AGBL1: variants seen among roughly 807,000 people sequenced by gnomAD.
AGBL1 encodes AGBL carboxypeptidase 1.
Under a neutral mutation model 118.9 loss-of-function variants are expected in AGBL1, and 130 were observed. That is an observed-to-expected ratio of 1.09 (90% CI 0.95 to 1.26). AGBL1 has a LOEUF of 1.26. AGBL1 is among the 50% of genes most tolerant of loss of function. The pLI, the probability that AGBL1 is intolerant of heterozygous loss-of-function variation, is 0.00. For missense variants in AGBL1, 1,584 were observed against 1,298.1 expected (o/e 1.22, Z -3.38); for synonymous variants, 555 against 478.9 (o/e 1.16, Z -2.08).
intron 22 of AGBL1, among the ~76,000 whole-genome samples, chr15:86,744,334 C>T (rs1372366543): frequency 1.3e-5 from 2 of 152,054 alleles, no homozygotes; most frequent in East Asian, 3.9e-4. Flanking sequence ...ATAAATTTGC[C>T]TTTATTGTTT....
At chr15:86,254,689 C>CT (rs2078867516) in intron 7 of AGBL1, among the ~76,000 whole-genome samples, 1 of 152,084 alleles carries the variant, frequency 6.6e-6, no homozygotes, top group Non-Finnish European at 1.5e-5. Context: ...GGAGTCTTGT[C>CT]TTTTTTTGAT....
intron 22 of AGBL1, among the ~76,000 whole-genome samples, chr15:86,702,206 C>A (rs552232135): frequency 1.3e-5 from 2 of 152,062 alleles, no homozygotes; most frequent in East Asian, 1.9e-4. Context: ...AAACTTAAAT[C>A]TAGTAAATAA....
rs115336442 is a variant in AGBL1 at position 86,667,669 on chromosome 15, T to C, written c.2995-6604T>C. 6.7e-3 allele frequency among the ~76,000 whole-genome samples: 1,019 copies of C among 152,274 alleles called. 8 individuals are homozygous for C. The highest frequency in any genetic ancestry group is 0.021 in the East Asian group (108 of 5,178). The stretch of plus-strand genomic sequence containing the variant: ...ATTTTTTGGACCGTAGGTGAGTACT[T>C]TCTTCCTTCTCCTCATCCTCCTTTC... On this transcript the variant is annotated intron_variant, in intron 21 of 22. Transcript: ENST00000614907.
intron 22 of AGBL1, among the ~76,000 whole-genome samples, chr15:86,749,751 G>A (rs1483768233): frequency 6.6e-6 from 1 of 152,146 alleles, no homozygotes; most frequent in African/African-American, 2.4e-5. Flanking sequence ...GGCCTTTTCT[G>A]CATCTGTTGA....
intron 21 of AGBL1, among the ~76,000 whole-genome samples, chr15:86,631,696 C>T (rs956424224): frequency 6.6e-6 from 1 of 152,042 alleles, no homozygotes; most frequent in Non-Finnish European, 1.5e-5. Flanking sequence ...CATGGGAGTT[C>T]CCAGGGAGAT....
At chr15:87,030,221 AATCTT>A (rs2081770784), downstream of AGBL1, among the ~76,000 whole-genome samples, 1 of 151,938 alleles carries the variant, frequency 6.6e-6, no homozygotes, top group Non-Finnish European at 1.5e-5. Flanking sequence ...AGGATTCAGA[AATCTT>A]ATGGTGGGCA....
At chr15:86,449,307 C>T (rs985030624) in intron 18 of AGBL1, among the ~76,000 whole-genome samples, 1 of 151,946 alleles carries the variant, frequency 6.6e-6, no homozygotes, top group Non-Finnish European at 1.5e-5. Context: ...TTTTTCTCTC[C>T]CAAGCAAAGA....
chr15:86,388,506 C>T (rs74027537), intron 17 of AGBL1, among the ~76,000 whole-genome samples: 5,097 of 152,160 alleles, frequency 0.033, 286 homozygotes, highest in African/African-American at 0.12. Context: ...GAGAGCCTTG[C>T]TTTATGGGTA....
In AGBL1 at chr15:86,482,103, C is replaced by T. The variant is rs149504794; in HGVS notation, c.2556-40707C>T. Reference sequence around the variant, plus strand: ...GGAGACAGAAGCAATGTGTTCCTGACTTATAACTGTGATGAGTTAACCTAC... The same window carrying T: ...GGAGACAGAAGCAATGTGTTCCTGATTTATAACTGTGATGAGTTAACCTAC... On this transcript the variant is annotated intron_variant, in intron 18 of 22. Coordinates refer to ENST00000614907, the MANE Select transcript of AGBL1 (RefSeq NM_001386094.1). Among the ~76,000 whole-genome samples, 518 of 152,258 alleles carry T rather than the reference C, an allele frequency of 3.4e-3. 6 individuals are homozygous for T. Among genetic ancestry groups the T allele is most frequent in the African/African-American group, 0.012 (496 of 41,572 alleles).
chr15:86,404,801 A>G (rs1188066584), intron 18 of AGBL1, among the ~76,000 whole-genome samples: 1 of 152,214 alleles, frequency 6.6e-6, no homozygotes, highest in African/African-American at 2.4e-5. Flanking sequence ...CATGTTCACT[A>G]TAAGCCATGC....
intron 5 of AGBL1, among the ~76,000 whole-genome samples, chr15:86,219,325 T>C (rs573824211): frequency 6.6e-6 from 1 of 152,208 alleles, no homozygotes; most frequent in Non-Finnish European, 1.5e-5. Flanking sequence ...TTACTTTTAA[T>C]GGCAAAAATT....
chr15:86,739,353 G>C (rs948344975), intron 22 of AGBL1, among the ~76,000 whole-genome samples: 5 of 141,632 alleles, frequency 3.5e-5, no homozygotes, highest in African/African-American at 5.3e-5. Flanking sequence ...TGAGGCAGGA[G>C]AATCGCTTGA....
intron 18 of AGBL1, among the ~76,000 whole-genome samples, chr15:86,479,166 G>T (rs574022300): frequency 2.1e-4 from 32 of 152,236 alleles, no homozygotes; most frequent in Non-Finnish European, 7.4e-5. Context: ...CAGGACATAG[G>T]CATGGGCAAG....
intron 16 of AGBL1, among the ~76,000 whole-genome samples, chr15:86,280,498 G>C (rs1235247963): frequency 6.6e-6 from 1 of 152,178 alleles, no homozygotes; most frequent in Admixed American, 6.5e-5. Flanking sequence ...ATTTGAAAAA[G>C]CTGGCAAACT....
Position 86,910,415 on chromosome 15 carries a change from A to G in AGBL1, c.*3121A>G, listed in dbSNP as rs1476030454. Reference sequence around the variant, plus strand: ...ATAAAGCTGCATTTGGCATTCCTTGATGAAAAGGCTGAATTTAATTCTGAA... The same window carrying G: ...ATAAAGCTGCATTTGGCATTCCTTGGTGAAAAGGCTGAATTTAATTCTGAA... On this transcript the variant is annotated 3_prime_UTR_variant, in exon 23 of 23. Transcript: ENST00000614907. 6.6e-6 allele frequency: 1 copy of G among 152,192 alleles called. No homozygotes were observed. Among genetic ancestry groups the G allele is most frequent in the Non-Finnish European group, 1.5e-5 (1 of 68,038 alleles). The allele number at this position is 152,192 out of a possible 1,614,324, so 9.4% of individuals were successfully genotyped here.
rs138704447 is a variant in AGBL1 at position 86,905,381 on chromosome 15, C to T, written c.3159-1706C>T. On this transcript the variant is annotated intron_variant, in intron 22 of 22. Transcript: ENST00000614907. ...GGCAAGGGAGCATCATTGCAAGTTC[C>T]ACAAAAGTGGCATAATAAAAATGAT... is the stretch of plus-strand genomic sequence containing the variant. Among the ~76,000 whole-genome samples the T allele has an allele frequency of 2.6e-5, 4 of 152,256 alleles. No individual in the cohort carries two copies. In the East Asian group the frequency reaches 5.8e-4, roughly 22 times the overall value.
chr15:86,437,868 G>A (rs2082017287), intron 18 of AGBL1, among the ~76,000 whole-genome samples: 1 of 152,032 alleles, frequency 6.6e-6, no homozygotes, highest in South Asian at 2.1e-4. Context: ...CAGAGTACAC[G>A]ATCCAGCTAA....
At chr15:86,644,427 C>A (rs2085243449) in intron 21 of AGBL1, among the ~76,000 whole-genome samples, 1 of 152,138 alleles carries the variant, frequency 6.6e-6, no homozygotes, top group Non-Finnish European at 1.5e-5. Context: ...ACAAAATCAG[C>A]ACCTAAGTCA....
At chr15:87,009,751 A>G (rs2594333) in intron 24 of AGBL1, among the ~76,000 whole-genome samples, 98,548 of 152,066 alleles carry the variant, frequency 0.65, 32,584 homozygotes, top group South Asian at 0.76. Flanking sequence ...ACCTAGATAT[A>G]AGACATGGCG....
Sources: gnomAD v4.1 joint callset for allele counts (sites outside exome capture counted in the v4.1 genomes callset) on GRCh38, gnomAD v4.1.1 for gene constraint, MANE v1.5 for transcripts, NCBI Gene and HGNC (gene_info 2026-07-23, HGNC 2026-07-21) for gene names.